BARD1: variants seen among roughly 807,000 people sequenced by gnomAD.
BARD1 encodes the protein BRCA1 associated RING domain 1, also known as BRCA1-associated RING domain protein 1.
Under a neutral mutation model 77.0 loss-of-function variants are expected in BARD1, and 73 were observed. The observed-to-expected ratio is 0.95, with a 90% CI of 0.79 to 1.15. BARD1 has a LOEUF of 1.15. Among genes scored for constraint, BARD1 ranks in the 50% most tolerant of loss-of-function variants. The pLI, the probability that BARD1 is intolerant of heterozygous loss-of-function variation, is 0.00. For missense variants in BARD1, 993 were observed against 938.8 expected, an observed-to-expected ratio of 1.06 and a Z score of -0.75; for synonymous variants, 384 against 338.0, an observed-to-expected ratio of 1.14 and a Z score of -1.49.
chr2:214,742,255 A>C (rs184956826), intron 9 of BARD1, among the ~76,000 whole-genome samples: 5 of 152,334 alleles, frequency 3.3e-5, no homozygotes, highest in Admixed American at 3.3e-4. Flanking sequence ...AGCCAGGTGC[A>C]GTGATGTGCA....
intron 6 of BARD1, among the ~76,000 whole-genome samples, chr2:214,761,225 G>T (rs1265793136): frequency 2.0e-5 from 3 of 151,678 alleles, no homozygotes; most frequent in East Asian, 3.9e-4. Context: ...TGCTAAGTTG[G>T]CAGGGGGCAG....
chr2:214,779,290 C>T (rs1694870958), intron 4 of BARD1, among the ~76,000 whole-genome samples: 2 of 152,142 alleles, frequency 1.3e-5, no homozygotes, highest in Admixed American at 1.3e-4. Context: ...TTGCAAATAA[C>T]CTACAGAGAT....
intron 10 of BARD1, 154 bp downstream of exon 10, chr2:214,730,257 G>A (rs1398986057): frequency 1.2e-5 from 8 of 693,786 alleles, no homozygotes; most frequent in African/African-American, 3.6e-5. Flanking sequence ...ACTGCTCATC[G>A]TGATCATCTT....
chr2:214,746,004 C>G, intron 7 of BARD1, 150 bp from the exon 8 acceptor site: 1 of 959,486 alleles, frequency 1.0e-6, no homozygotes, highest in Non-Finnish European at 1.6e-6. Flanking sequence ...ACACCCAGAA[C>G]CTTTTAAATA....
chr2:214,777,673 T>C (rs947344232), intron 4 of BARD1, among the ~76,000 whole-genome samples: 1 of 152,190 alleles, frequency 6.6e-6, no homozygotes, highest in Non-Finnish European at 1.5e-5. Flanking sequence ...TTTGGCTGCC[T>C]TAAAGGTCAC....
intron 9 of BARD1, among the ~76,000 whole-genome samples, chr2:214,733,124 T>G (rs1692428132): frequency 6.6e-6 from 1 of 152,186 alleles, no homozygotes; most frequent in Admixed American, 6.5e-5. Flanking sequence ...CTTGCTAAGA[T>G]CACTAATAGC....
rs1695457303 is a variant in BARD1, at chr2:214,790,292, A to T, written c.364+2005T>A. Among the ~76,000 whole-genome samples the T allele has an allele frequency of 2.6e-5, 4 of 152,140 alleles. No homozygotes were observed. The South Asian group carries it at 8.3e-4, about 32-fold the overall frequency. On this transcript the variant is annotated intron_variant, in intron 3 of 10. Coordinates refer to ENST00000260947, the MANE Select transcript of BARD1 (RefSeq NM_000465.4). ...ACCAAAATTCACATGTTGAGGTCCTAACCCCCCAGTAACTTAGAATGTGAC... is the reference window on the plus strand; with the variant it reads ...ACCAAAATTCACATGTTGAGGTCCTTACCCCCCAGTAACTTAGAATGTGAC...
chr2:214,737,505 T>C (rs1393821275), intron 9 of BARD1, among the ~76,000 whole-genome samples: 1 of 152,152 alleles, frequency 6.6e-6, no homozygotes, highest in Admixed American at 6.6e-5. Context: ...ACTGTCTAAC[T>C]TGTTATCTGA....
chr2:214,746,023 C>A (rs1325237005), intron 7 of BARD1, among the ~76,000 whole-genome samples, 169 bp from the exon 8 acceptor site: 1 of 152,004 alleles, frequency 6.6e-6, no homozygotes, highest in Non-Finnish European at 1.5e-5. Context: ...TAAATTTTTT[C>A]TCTTTATTTT....
chr2:214,760,255 C>T (rs751279938), intron 6 of BARD1, among the ~76,000 whole-genome samples: 9 of 152,120 alleles, frequency 5.9e-5, no homozygotes, highest in Admixed American at 2.6e-4. Context: ...GGTGGTGGCA[C>T]GATCTCGGCT....
At position 214,728,270 on chromosome 2, in the gene BARD1, A is replaced by C. The variant is rs1476799888; in HGVS notation, c.*406T>G. 1 of 229,274 alleles carries C rather than the reference A, an allele frequency of 4.4e-6. No individual in the cohort carries two copies. Among genetic ancestry groups the C allele is most frequent in the East Asian group, 6.5e-5 (1 of 15,344 alleles). 14.2% of individuals were successfully genotyped at this position (229,274 alleles called of 1,614,324 possible). Reference sequence around the variant, plus strand: ...AAGCCAAAATAAATTGTTTGATAATATTCTGTTTACTAAAAAAAAAAAAAA... The same window carrying C: ...AAGCCAAAATAAATTGTTTGATAATCTTCTGTTTACTAAAAAAAAAAAAAA... On this transcript the variant is annotated 3_prime_UTR_variant, in exon 11 of 11. Transcript: ENST00000260947.
rs587780014 is a variant in BARD1 at position 214,780,657 on chromosome 2, C to T, written c.1217G>A (p.Arg406Gln). 39 of 1,613,954 alleles carry T rather than the reference C, an allele frequency of 2.4e-5. 1 individual carries two copies. The South Asian group carries it at 2.6e-4, about 11-fold the overall frequency. ...PSTLSSSSYR[R>Q]VMSSPSAMKL... The stretch of plus-strand genomic sequence containing the variant: ...CATTGCTGAGGGACTAGACATCACT[C>T]GCCTGTAACTTGAACTACTTAATGT... Residue 406 changes from arginine to glutamine, a missense_variant, in exon 4 of 11, where the codon CGA (arginine) becomes CAA (glutamine). Transcript: ENST00000260947.
intron 6 of BARD1, among the ~76,000 whole-genome samples, chr2:214,761,272 A>G (rs1330291744): frequency 1.4e-5 from 2 of 140,554 alleles, no homozygotes; most frequent in African/African-American, 2.6e-5. Flanking sequence ...TGTTCCAGAG[A>G]AGAGGAAAGG....
At chr2:214,737,281 C>T (rs1181546388) in intron 9 of BARD1, among the ~76,000 whole-genome samples, 2 of 152,054 alleles carry the variant, frequency 1.3e-5, no homozygotes, top group South Asian at 2.1e-4. Flanking sequence ...CCTCAGAGTC[C>T]TCAGCCTGCC....
intron 6 of BARD1, among the ~76,000 whole-genome samples, chr2:214,755,093 T>G (rs539676173): frequency 6.6e-6 from 1 of 152,308 alleles, no homozygotes; most frequent in African/African-American, 2.4e-5. Flanking sequence ...AAAATCAATT[T>G]AAAATACACA....
At chr2:214,757,996 A>G (rs1693777570) in intron 6 of BARD1, among the ~76,000 whole-genome samples, 1 of 152,208 alleles carries the variant, frequency 6.6e-6, no homozygotes, top group Non-Finnish European at 1.5e-5. Flanking sequence ...TACCACAGGA[A>G]TATGAGGTAC....
intron 8 of BARD1, 82 bp downstream of exon 8, chr2:214,745,640 T>C: frequency 6.5e-7 from 1 of 1,533,144 alleles, no homozygotes; most frequent in Non-Finnish European, 9.0e-7. Flanking sequence ...AAAACATATG[T>C]AAATTATCAA....
intron 7 of BARD1, among the ~76,000 whole-genome samples, chr2:214,751,878 C>T (rs1203437557): frequency 6.6e-6 from 1 of 152,186 alleles, no homozygotes; most frequent in East Asian, 1.9e-4. Flanking sequence ...CCAGCAATAA[C>T]AAACTTCTTT....
chr2:214,766,313 C>T (rs963192469), intron 6 of BARD1, among the ~76,000 whole-genome samples: 12 of 151,974 alleles, frequency 7.9e-5, no homozygotes, highest in African/African-American at 2.4e-4. Flanking sequence ...TCAACTGCCC[C>T]GGCCCAATAT....
Sources: allele counts gnomAD v4.1 joint callset (sites outside exome capture counted in the v4.1 genomes callset), GRCh38; gene constraint gnomAD v4.1.1; transcripts MANE v1.5; gene names NCBI Gene and HGNC (gene_info 2026-07-23, HGNC 2026-07-21).